CPNE4: variants seen among roughly 807,000 people sequenced by gnomAD.
CPNE4 encodes copine 4.
CPNE4 carries 25 observed loss-of-function variants against 67.9 expected under a neutral mutation model. That is an observed-to-expected ratio of 0.37 (90% CI 0.27 to 0.51). The LOEUF is 0.51. Among genes scored for constraint, CPNE4 ranks in the 20% least tolerant of loss-of-function variants. The pLI, the probability that CPNE4 is intolerant of heterozygous loss-of-function variation, is 0.93. For missense variants in CPNE4, 464 were observed against 690.8 expected (o/e 0.67, Z 3.68); for synonymous variants, 242 against 244.9 (o/e 0.99, Z 0.11).
intron 2 of CPNE4, among the ~76,000 whole-genome samples, chr3:131,809,529 C>T (rs2084445184): frequency 8.0e-6 from 1 of 124,246 alleles, no homozygotes; most frequent in South Asian, 2.5e-4. Flanking sequence ...ATACACAAAG[C>T]TTTAATAAAT....
intron 1 of CPNE4, among the ~76,000 whole-genome samples, chr3:131,961,381 G>A (rs759578508): frequency 2.6e-5 from 4 of 152,272 alleles, no homozygotes; most frequent in Non-Finnish European, 5.9e-5. Context: ...TTAAAGAGCA[G>A]TAACTCTGGT....
chr3:131,791,251 A>C (rs2083710314), intron 2 of CPNE4, among the ~76,000 whole-genome samples: 1 of 152,204 alleles, frequency 6.6e-6, no homozygotes, highest in Non-Finnish European at 1.5e-5. Flanking sequence ...CTTATAAATA[A>C]ATTGACATGA....
intron 2 of CPNE4, among the ~76,000 whole-genome samples, chr3:131,900,563 T>A (rs1375773636): frequency 6.6e-6 from 1 of 152,112 alleles, no homozygotes; most frequent in Admixed American, 6.6e-5. Context: ...CACACGACTG[T>A]CTGAGACCCC....
chr3:131,983,285 T>TTTA (rs559137181), intron 1 of CPNE4, among the ~76,000 whole-genome samples: 156 of 152,280 alleles, frequency 1.0e-3, no homozygotes, highest in African/African-American at 3.6e-3. Context: ...TGTATATAGT[T>TTTA]TTACACTACA....
At chr3:131,985,711 C>T (rs1049193483) in intron 1 of CPNE4, 1 of 152,254 alleles carries the variant, frequency 6.6e-6, no homozygotes, top group African/African-American at 2.4e-5. Context: ...CCAATTGAAA[C>T]CAATTAAGTC....
intron 2 of CPNE4, among the ~76,000 whole-genome samples, chr3:131,855,343 A>G (rs2086398616): frequency 6.6e-6 from 1 of 151,952 alleles, no homozygotes; most frequent in Non-Finnish European, 1.5e-5. Flanking sequence ...AATTGTGCCC[A>G]CTAAGGTTGG....
chr3:132,022,034 C>T (rs566168630), intron 1 of CPNE4, among the ~76,000 whole-genome samples: 2 of 152,270 alleles, frequency 1.3e-5, no homozygotes, highest in East Asian at 3.9e-4. Flanking sequence ...CCTATTATTC[C>T]ACCCCATAGA....
intron 2 of CPNE4, among the ~76,000 whole-genome samples, chr3:131,769,069 T>C (rs2083098301): frequency 6.6e-6 from 1 of 152,198 alleles, no homozygotes; most frequent in Non-Finnish European, 1.5e-5. Context: ...CCATTCGTGC[T>C]GTCAGAAAAA....
At chr3:131,863,930 C>T (rs559669691) in intron 2 of CPNE4, among the ~76,000 whole-genome samples, 96 of 152,280 alleles carry the variant, frequency 6.3e-4, no homozygotes, top group East Asian at 3.5e-3. Flanking sequence ...ATATAGCTAG[C>T]CAGTTTTCCC....
At chr3:131,672,886 T>C (rs1362260131) in intron 6 of CPNE4, among the ~76,000 whole-genome samples, 1 of 152,110 alleles carries the variant, frequency 6.6e-6, no homozygotes, top group Non-Finnish European at 1.5e-5. Flanking sequence ...CTTGTGCTTG[T>C]GGGGTATTAT....
chr3:131,703,685 A>G (rs182902835), intron 3 of CPNE4, among the ~76,000 whole-genome samples: 1 of 152,200 alleles, frequency 6.6e-6, no homozygotes, highest in Admixed American at 6.5e-5. Context: ...CTAGAGAGTC[A>G]TTTTTCATGA....
intron 2 of CPNE4, among the ~76,000 whole-genome samples, chr3:131,858,867 C>T (rs1424492814): frequency 6.6e-6 from 1 of 152,108 alleles, no homozygotes; most frequent in Non-Finnish European, 1.5e-5. Flanking sequence ...GATGCAAACA[C>T]TTTGAGCTTG....
chr3:132,008,842 A>G (rs866610920), intron 1 of CPNE4, among the ~76,000 whole-genome samples: 3 of 152,110 alleles, frequency 2.0e-5, no homozygotes, highest in African/African-American at 7.3e-5. Flanking sequence ...TCTCACTCTA[A>G]GCATTATTAT....
chr3:131,587,665 G>T, intron 7 of CPNE4, 83 bp from the exon 8 acceptor site: 1 of 977,792 alleles, frequency 1.0e-6, no homozygotes, highest in Non-Finnish European at 1.6e-6. Flanking sequence ...TTAGGAGAAA[G>T]AGTAGATGAA....
At chr3:131,568,289 GA>G (rs1418681072) in intron 10 of CPNE4, among the ~76,000 whole-genome samples, 3 of 152,058 alleles carry the variant, frequency 2.0e-5, no homozygotes, top group Admixed American at 2.0e-4. Context: ...CTTCCACCAA[GA>G]ATTCTCTGTG....
At chr3:131,963,917 G>T (rs1004225864) in intron 1 of CPNE4, among the ~76,000 whole-genome samples, 1 of 152,130 alleles carries the variant, frequency 6.6e-6, no homozygotes, top group African/African-American at 2.4e-5. Flanking sequence ...TGACACCCGT[G>T]CCTCCTTACT....
At chr3:131,578,943 A>G (rs1047819386) in intron 9 of CPNE4, among the ~76,000 whole-genome samples, 2 of 152,228 alleles carry the variant, frequency 1.3e-5, no homozygotes, top group African/African-American at 4.8e-5. Context: ...AGCTGCCACA[A>G]TTTATCCAGA....
intron 2 of CPNE4, among the ~76,000 whole-genome samples, chr3:131,853,831 A>G (rs1560468690): frequency 1.3e-5 from 2 of 151,862 alleles, no homozygotes; most frequent in Non-Finnish European, 1.5e-5. Flanking sequence ...TATGATTTAA[A>G]CCACAGTAAT....
chr3:131,550,189 C>T, intron 13 of CPNE4, 109 bp from the exon 14 acceptor site: 1 of 1,124,782 alleles, frequency 8.9e-7, no homozygotes, highest in South Asian at 1.7e-5. Context: ...TCCTTATCAA[C>T]ATCATGTTTA....
Sources: gnomAD v4.1 joint callset for allele counts (sites outside exome capture counted in the v4.1 genomes callset) on GRCh38, gnomAD v4.1.1 for gene constraint, MANE v1.5 for transcripts, NCBI Gene and HGNC (gene_info 2026-07-23, HGNC 2026-07-21) for gene names.